The following CDH12 variants were observed in gnomAD, a reference collection of about 807,000 sequenced individuals.
The protein encoded by CDH12 is cadherin-12.
In CDH12, 41 loss-of-function variants were observed where a neutral mutation model predicts 74.1. The observed-to-expected ratio is 0.55, with a 90% CI of 0.43 to 0.72. CDH12 has a LOEUF of 0.72. Ranked by LOEUF, CDH12 falls within the 30% of genes least tolerant of loss-of-function variation. The pLI is 0.00. For missense variants in CDH12, 945 were observed against 977.2 expected (o/e 0.97, Z 0.44); for synonymous variants, 399 against 355.0 (o/e 1.12, Z -1.39).
intron 5 of CDH12, among the ~76,000 whole-genome samples, chr5:22,052,821 A>G (rs1740467493): frequency 6.6e-6 from 1 of 152,042 alleles, no homozygotes; most frequent in Non-Finnish European, 1.5e-5. Context: ...TTTATCATGA[A>G]AGTAGGCCAA....
intron 1 of CDH12, among the ~76,000 whole-genome samples, chr5:22,656,685 A>C (rs1740054019): frequency 6.6e-6 from 1 of 152,248 alleles, no homozygotes; most frequent in Non-Finnish European, 1.5e-5. Context: ...CTCTTAGTAC[A>C]AACTCAGGAG....
chr5:22,097,400 T>A (rs764038747), intron 4 of CDH12, among the ~76,000 whole-genome samples: 1 of 151,990 alleles, frequency 6.6e-6, no homozygotes, highest in Non-Finnish European at 1.5e-5. Context: ...AGAAAGTAAG[T>A]CCTTAATCAA....
At chr5:22,220,364 G>T (rs1342280433) in intron 3 of CDH12, among the ~76,000 whole-genome samples, 3 of 151,580 alleles carry the variant, frequency 2.0e-5, no homozygotes, top group Non-Finnish European at 4.4e-5. Context: ...AAATATGAAA[G>T]TCCCATAAAT....
In CDH12 at chr5:21,970,564, G is replaced by A. The variant is rs565799003; in HGVS notation, c.526+4527C>T. Among the ~76,000 whole-genome samples the A allele has an allele frequency of 1.5e-3, 235 of 151,940 alleles. 1 individual carries two copies. Among genetic ancestry groups the A allele is most frequent in the African/African-American group, 5.3e-3 (221 of 41,438 alleles). On this transcript the variant is annotated intron_variant, in intron 6 of 14. Transcript: ENST00000382254. Reference sequence around the variant, plus strand: ...AAACAAGTAGTCTCTGGTTGGCTGGGCACTGTGGCTCATGTCCTTAACACC... The same window carrying A: ...AAACAAGTAGTCTCTGGTTGGCTGGACACTGTGGCTCATGTCCTTAACACC...
At chr5:22,712,807 C>G (rs1743356898) in intron 1 of CDH12, among the ~76,000 whole-genome samples, 1 of 152,124 alleles carries the variant, frequency 6.6e-6, no homozygotes, top group African/African-American at 2.4e-5. Flanking sequence ...GAAGCTCTGG[C>G]TCTCCAGAAA....
chr5:22,280,654 C>T (rs929376096), intron 3 of CDH12, among the ~76,000 whole-genome samples: 2 of 151,972 alleles, frequency 1.3e-5, no homozygotes, highest in African/African-American at 2.4e-5. Context: ...ACACATACAC[C>T]CTCCCAAGAC....
Position 22,312,663 on chromosome 5 carries a change from T to G in CDH12, c.-333+92594A>C, listed in dbSNP as rs150192423. On this transcript the variant is annotated intron_variant, in intron 3 of 14. Coordinates refer to ENST00000382254, the MANE Select transcript of CDH12 (RefSeq NM_004061.5). ...AAAGAAAAAAGTTGCTATTTGTTTC[T>G]TTGTAAATCAGTAGCTTTCTGTTCC... 4.8e-4 allele frequency among the ~76,000 whole-genome samples: 73 copies of G among 152,334 alleles called. No homozygotes were observed. The East Asian group carries it at 0.013, about 27-fold the overall frequency.
At chr5:21,898,021 GTCA>G (rs1368353704) in intron 6 of CDH12, among the ~76,000 whole-genome samples, 3 of 152,016 alleles carry the variant, frequency 2.0e-5, no homozygotes, top group African/African-American at 7.2e-5. Flanking sequence ...TTTTATTAAA[GTCA>G]TCATAAAATT....
At chr5:21,869,313 G>A (rs1751495174) in intron 6 of CDH12, among the ~76,000 whole-genome samples, 1 of 152,114 alleles carries the variant, frequency 6.6e-6, no homozygotes, top group Admixed American at 6.6e-5. Flanking sequence ...TGTAGGACCA[G>A]GAATGACCCA....
intron 1 of CDH12, among the ~76,000 whole-genome samples, chr5:22,618,589 G>A (rs1005786722): frequency 1.1e-4 from 16 of 152,096 alleles, no homozygotes; most frequent in African/African-American, 3.4e-4. Flanking sequence ...CCTAAGTATT[G>A]AGAAAGTCTT....
At chr5:22,322,374 A>AAT (rs1016623353) in intron 3 of CDH12, among the ~76,000 whole-genome samples, 1 of 151,626 alleles carries the variant, frequency 6.6e-6, no homozygotes, top group African/African-American at 2.4e-5. Context: ...TTTAAAAAAA[A>AAT]AAAACATGGT....
intron 3 of CDH12, among the ~76,000 whole-genome samples, chr5:22,331,956 A>G (rs955970635): frequency 1.3e-5 from 2 of 152,206 alleles, no homozygotes; most frequent in Admixed American, 6.5e-5. Context: ...ATTTGAAAAT[A>G]CACTATCAGA....
chr5:21,883,454 G>A lies in CDH12; in HGVS notation c.527-28664C>T. Reference sequence around the variant, plus strand: ...GAGAAGCTCTAAGTACACTCATCTTGAATAGGCTAAAGGTTGGTCTTCAGG... The same window carrying A: ...GAGAAGCTCTAAGTACACTCATCTTAAATAGGCTAAAGGTTGGTCTTCAGG... On this transcript the variant is annotated intron_variant, in intron 6 of 14. Transcript: ENST00000382254. The A allele has an allele frequency of 3.1e-6, 5 of 1,610,592 alleles. No individual in the cohort carries two copies. The South Asian group carries it at 4.4e-5, about 14-fold the overall frequency.
intron 4 of CDH12, among the ~76,000 whole-genome samples, chr5:22,155,707 A>G (rs1345871521): frequency 5.3e-5 from 8 of 152,158 alleles, no homozygotes; most frequent in Admixed American, 5.2e-4. Flanking sequence ...ATATTGAATC[A>G]GAAATACTGT....
intron 1 of CDH12, among the ~76,000 whole-genome samples, chr5:22,699,706 G>A (rs1742610058): frequency 6.6e-6 from 1 of 152,140 alleles, no homozygotes; most frequent in Non-Finnish European, 1.5e-5. Context: ...GGCAGAAGGT[G>A]TTATAAGACA....
At chr5:22,778,420 T>G (rs1008976730) in intron 1 of CDH12, among the ~76,000 whole-genome samples, 1 of 152,142 alleles carries the variant, frequency 6.6e-6, no homozygotes, top group Non-Finnish European at 1.5e-5. Flanking sequence ...AGGAAAGAGC[T>G]GAGACAATTC....
chr5:21,762,737 C>A (rs1744794731), intron 12 of CDH12, among the ~76,000 whole-genome samples: 1 of 152,066 alleles, frequency 6.6e-6, no homozygotes, highest in Non-Finnish European at 1.5e-5. Flanking sequence ...CTCATCAAAT[C>A]CTTTAATTTA....
chr5:22,325,794 G>C (rs1739066902), intron 3 of CDH12, among the ~76,000 whole-genome samples: 1 of 152,104 alleles, frequency 6.6e-6, no homozygotes, highest in Non-Finnish European at 1.5e-5. Flanking sequence ...TGTAGTCCCA[G>C]CTGCTCGGGA....
At chr5:22,623,415 C>T (rs1266651083) in intron 1 of CDH12, among the ~76,000 whole-genome samples, 1 of 152,124 alleles carries the variant, frequency 6.6e-6, no homozygotes, top group African/African-American at 2.4e-5. Flanking sequence ...TTAGAAAACC[C>T]CACAGTCTCA....
Sources: gnomAD v4.1 joint callset for allele counts (sites outside exome capture counted in the v4.1 genomes callset) on GRCh38, gnomAD v4.1.1 for gene constraint, MANE v1.5 for transcripts, NCBI Gene and HGNC (gene_info 2026-07-23, HGNC 2026-07-21) for gene names.